CNTNAP2: variants seen among roughly 807,000 people sequenced by gnomAD.
CNTNAP2 encodes the protein contactin-associated protein-like 2.
In CNTNAP2, 98 loss-of-function variants were observed where a neutral mutation model predicts 155.2. The ratio of observed to expected loss-of-function variants is 0.63; its 90% CI spans 0.54 to 0.75. The LOEUF (loss-of-function observed/expected upper bound fraction) is 0.75. Among genes scored for constraint, CNTNAP2 ranks in the 30% least tolerant of loss-of-function variants. The pLI is 0.00. For synonymous variants in CNTNAP2, 651 were observed against 631.2 expected, an observed-to-expected ratio of 1.03 and a Z score of -0.47; for missense variants, 1,727 against 1,688.1, an observed-to-expected ratio of 1.02 and a Z score of -0.40.
At chr7:147,830,420 C>T (rs1584978704) in intron 13 of CNTNAP2, among the ~76,000 whole-genome samples, 1 of 152,002 alleles carries the variant, frequency 6.6e-6, no homozygotes, top group Non-Finnish European at 1.5e-5. Context: ...GACCTACTTC[C>T]CCCCCAAAAG....
At chr7:146,163,523 A>ATC (rs1318067032) in intron 1 of CNTNAP2, among the ~76,000 whole-genome samples, 1 of 144,054 alleles carries the variant, frequency 6.9e-6, no homozygotes, top group Non-Finnish European at 1.5e-5. Flanking sequence ...ATATCTATAT[A>ATC]TATCTATATA....
chr7:146,593,435 A>G (rs1252764480), intron 1 of CNTNAP2, among the ~76,000 whole-genome samples: 2 of 152,186 alleles, frequency 1.3e-5, no homozygotes, highest in Middle Eastern at 3.4e-3. Flanking sequence ...AAATGTAAAA[A>G]CATGCATCTG....
chr7:146,946,010 C>T (rs1264829585), intron 3 of CNTNAP2, among the ~76,000 whole-genome samples: 1 of 152,100 alleles, frequency 6.6e-6, no homozygotes, highest in African/African-American at 2.4e-5. Context: ...AAAGAGAGAC[C>T]TTTGGTGGGT....
At chr7:148,379,339 A>G (rs914811964) in intron 21 of CNTNAP2, among the ~76,000 whole-genome samples, 61 of 152,300 alleles carry the variant, frequency 4.0e-4, no homozygotes, top group African/African-American at 1.4e-3. Flanking sequence ...GGAATACACA[A>G]GAAGAAGATA....
chr7:147,895,378 A>G (rs576725263), intron 13 of CNTNAP2, among the ~76,000 whole-genome samples: 6 of 152,272 alleles, frequency 3.9e-5, no homozygotes, highest in Non-Finnish European at 8.8e-5. Context: ...ACCCTTCACC[A>G]TAATAAAACT....
At chr7:147,366,814 C>CG (rs1796239210) in intron 9 of CNTNAP2, among the ~76,000 whole-genome samples, 1 of 89,854 alleles carries the variant, frequency 1.1e-5, no homozygotes, top group Non-Finnish European at 2.9e-5. Flanking sequence ...CACACACACC[C>CG]CAATGTTTAT....
In CNTNAP2 at chr7:146,657,516, C is replaced by T. The variant is rs183204271; in HGVS notation, c.98-116755C>T. Among the ~76,000 whole-genome samples, 795 of 152,180 alleles carry T rather than the reference C, an allele frequency of 5.2e-3. 7 individuals carry two copies. The highest frequency in any genetic ancestry group is 0.051 in the Middle Eastern group (15 of 294). On this transcript the variant is annotated intron_variant, in intron 1 of 23. Coordinates refer to ENST00000361727, the MANE Select transcript of CNTNAP2 (RefSeq NM_014141.6). ...TGAGTTGCTCTCTTATTTCTTTAAC[C>T]ACATTGTCTCTGTCGTTCTCTGTCT... is the stretch of plus-strand genomic sequence containing the variant.
intron 20 of CNTNAP2, among the ~76,000 whole-genome samples, chr7:148,262,646 C>A (rs1436960578): frequency 1.3e-5 from 2 of 152,098 alleles, no homozygotes; most frequent in Non-Finnish European, 2.9e-5. Context: ...TATAAAGACC[C>A]TGGTGGGGAC....
intron 14 of CNTNAP2, among the ~76,000 whole-genome samples, chr7:147,968,979 G>T (rs1301780585): frequency 6.6e-6 from 1 of 152,210 alleles, no homozygotes; most frequent in Non-Finnish European, 1.5e-5. Context: ...GGAATAAAAA[G>T]TGGATTGGTC....
intron 21 of CNTNAP2, among the ~76,000 whole-genome samples, chr7:148,331,758 A>G (rs55849868): frequency 0.039 from 401 of 10,292 alleles, 30 homozygotes; most frequent in Middle Eastern, 0.11. Context: ...GAACGGACGG[A>G]TGGATTGGAT....
chr7:147,114,341 C>A lies in CNTNAP2; in HGVS notation c.754+5991C>A, dbSNP rs114043683. Among the ~76,000 whole-genome samples the A allele has an allele frequency of 2.2e-3, 329 of 152,208 alleles. 4 individuals carry two copies. Among genetic ancestry groups the A allele is most frequent in the African/African-American group, 7.1e-3 (293 of 41,538 alleles). ...TCTATCAGGTCTACTTGATCCAAAGCTGAGTTCAAGTCCTGGATGTCTTTG... is the reference window on the plus strand; with the variant it reads ...TCTATCAGGTCTACTTGATCCAAAGATGAGTTCAAGTCCTGGATGTCTTTG... On this transcript the variant is annotated intron_variant, in intron 5 of 23. Transcript: ENST00000361727.
chr7:148,238,429 C>T (rs1796086038), intron 20 of CNTNAP2, among the ~76,000 whole-genome samples: 1 of 152,226 alleles, frequency 6.6e-6, no homozygotes, highest in South Asian at 2.1e-4. Flanking sequence ...GCTAACCAGA[C>T]CCCGTTTCCC....
intron 5 of CNTNAP2, among the ~76,000 whole-genome samples, chr7:147,118,585 A>G (rs1584855073): frequency 3.9e-5 from 6 of 152,206 alleles, no homozygotes; most frequent in Non-Finnish European, 8.8e-5. Flanking sequence ...AACACTTTGT[A>G]AATACAAGAG....
intron 3 of CNTNAP2, among the ~76,000 whole-genome samples, chr7:147,030,760 T>A (rs1466393320): frequency 6.6e-6 from 1 of 152,190 alleles, no homozygotes; most frequent in Non-Finnish European, 1.5e-5. Context: ...GATTCATGTC[T>A]GTAATCCTAG....
intron 2 of CNTNAP2, among the ~76,000 whole-genome samples, chr7:146,833,526 G>A (rs965873475): frequency 6.6e-6 from 1 of 152,096 alleles, no homozygotes; most frequent in South Asian, 2.1e-4. Flanking sequence ...TGTTTTTAGG[G>A]AATCATGTGT....
At chr7:146,855,852 T>TATAC (rs1554401384) in intron 3 of CNTNAP2, among the ~76,000 whole-genome samples, 221 of 99,770 alleles carry the variant, frequency 2.2e-3, no homozygotes, top group Non-Finnish European at 2.7e-3. Context: ...TATATATATA[T>TATAC]ACACACTTAC....
intron 1 of CNTNAP2, among the ~76,000 whole-genome samples, chr7:146,304,708 T>A (rs11983237): frequency 0.085 from 12,997 of 152,146 alleles, 1,572 homozygotes; most frequent in African/African-American, 0.27. Flanking sequence ...TAACATTTTT[T>A]TCCTTCATTT....
At chr7:147,059,575 G>T (rs113560217) in intron 4 of CNTNAP2, among the ~76,000 whole-genome samples, 37 of 151,960 alleles carry the variant, frequency 2.4e-4, no homozygotes, top group African/African-American at 6.3e-4. Flanking sequence ...TGGGTGGTTT[G>T]GTTAACTAAA....
intron 3 of CNTNAP2, among the ~76,000 whole-genome samples, chr7:146,967,143 A>C (rs1262551750): frequency 6.6e-6 from 1 of 152,192 alleles, no homozygotes; most frequent in African/African-American, 2.4e-5. Context: ...TTTAATCTTC[A>C]TGATAGGCCT....
Sources: allele counts gnomAD v4.1 joint callset (sites outside exome capture counted in the v4.1 genomes callset), GRCh38; gene constraint gnomAD v4.1.1; transcripts MANE v1.5; gene names NCBI Gene and HGNC (gene_info 2026-07-23, HGNC 2026-07-21).